The following SMYD3 variants were observed in gnomAD, a reference collection of about 807,000 sequenced individuals.
SMYD3 encodes the protein histone-lysine N-methyltransferase SMYD3.
SMYD3 carries 36 observed loss-of-function variants against 57.7 expected under a neutral mutation model. The observed-to-expected ratio is 0.62, with a 90% CI of 0.48 to 0.82. The LOEUF is 0.82. Among genes scored for constraint, SMYD3 ranks in the 40% least tolerant of loss-of-function variants. The probability of loss-of-function intolerance (pLI) is 0.00; values close to 1 mark genes in which losing one functional copy is unlikely to be tolerated. For synonymous variants in SMYD3, 211 were observed against 195.0 expected, an observed-to-expected ratio of 1.08 and a Z score of -0.68; for missense variants, 515 against 538.8, an observed-to-expected ratio of 0.96 and a Z score of 0.44.
intron 11 of SMYD3, among the ~76,000 whole-genome samples, chr1:245,754,736 G>A (rs951717727): frequency 1.3e-5 from 2 of 152,204 alleles, no homozygotes; most frequent in Non-Finnish European, 2.9e-5. Context: ...AATTTCCTTA[G>A]AGATAACATC....
intron 5 of SMYD3, among the ~76,000 whole-genome samples, chr1:246,165,010 G>A (rs930016376): frequency 6.6e-6 from 1 of 152,130 alleles, no homozygotes; most frequent in African/African-American, 2.4e-5. Context: ...ACAAGGTGGC[G>A]AAAGAACCCC....
intron 5 of SMYD3, among the ~76,000 whole-genome samples, chr1:246,262,889 A>T (rs1397544752): frequency 6.6e-6 from 1 of 152,224 alleles, no homozygotes; most frequent in Non-Finnish European, 1.5e-5. Context: ...GACATCTAGG[A>T]AACCCAAGTC....
At chr1:246,160,928 T>C (rs531118721) in intron 5 of SMYD3, among the ~76,000 whole-genome samples, 45 of 152,276 alleles carry the variant, frequency 3.0e-4, no homozygotes, top group African/African-American at 1.1e-3. Context: ...TCTGATATTC[T>C]CCAGAGCAGC....
At chr1:246,114,911 TGA>T (rs1244713655) in intron 5 of SMYD3, among the ~76,000 whole-genome samples, 9 of 42,730 alleles carry the variant, frequency 2.1e-4, no homozygotes, top group Non-Finnish European at 6.6e-4. Flanking sequence ...ATTACAGGCG[TGA>T]GCCTCCGCAC....
intron 5 of SMYD3, among the ~76,000 whole-genome samples, chr1:246,161,837 CAT>C (rs1325474378): frequency 1.3e-5 from 2 of 152,180 alleles, no homozygotes; most frequent in Non-Finnish European, 2.9e-5. Context: ...TCCAGACCTT[CAT>C]ATGACTCTTC....
chr1:246,141,687 T>TA lies in SMYD3; in HGVS notation c.531+185513dup, dbSNP rs112411079. Reference sequence around the variant, plus strand: ...ACTAACATGCCAACGTAAACACATTTAAAAAAAATCTTCATTTAAATTTAT... The same window carrying TA: ...ACTAACATGCCAACGTAAACACATTTAAAAAAAAATCTTCATTTAAATTTAT... On this transcript the variant is annotated intron_variant, in intron 5 of 11. Coordinates refer to ENST00000490107, the MANE Select transcript of SMYD3 (RefSeq NM_001167740.2). Among the ~76,000 whole-genome samples the TA allele has an allele frequency of 5.9e-3, 898 of 152,160 alleles. 13 individuals are homozygous for TA. The highest frequency in any genetic ancestry group is 0.021 in the African/African-American group (858 of 41,526).
At chr1:246,463,918 A>G (rs910133086) in intron 1 of SMYD3, among the ~76,000 whole-genome samples, 11 of 151,890 alleles carry the variant, frequency 7.2e-5, no homozygotes, top group Non-Finnish European at 1.3e-4. Context: ...TAACAATTAT[A>G]TAAGTAATTG....
chr1:246,446,058 T>C (rs1434038214), intron 1 of SMYD3, among the ~76,000 whole-genome samples: 1 of 152,222 alleles, frequency 6.6e-6, no homozygotes, highest in Non-Finnish European at 1.5e-5. Context: ...GTTGTTTTTT[T>C]AATCTTTACT....
At chr1:246,257,900 G>A (rs184520269) in intron 5 of SMYD3, among the ~76,000 whole-genome samples, 65 of 152,282 alleles carry the variant, frequency 4.3e-4, no homozygotes, top group Admixed American at 3.1e-3. Flanking sequence ...CTTGTAAGAC[G>A]GCTGCCCCTC....
chr1:245,962,643 C>T (rs1404699591), intron 5 of SMYD3, among the ~76,000 whole-genome samples: 2 of 152,108 alleles, frequency 1.3e-5, no homozygotes, highest in African/African-American at 2.4e-5. Context: ...ATGTGGGTTG[C>T]GTCGAACAAT....
chr1:246,415,060 C>G (rs1169890752), intron 1 of SMYD3, among the ~76,000 whole-genome samples: 1 of 151,964 alleles, frequency 6.6e-6, no homozygotes, highest in Non-Finnish European at 1.5e-5. Context: ...TCCTGGTGAG[C>G]AGAACAGCAC....
chr1:246,008,362 C>T (rs1245165452), intron 5 of SMYD3, among the ~76,000 whole-genome samples: 1 of 152,170 alleles, frequency 6.6e-6, no homozygotes, highest in Admixed American at 6.5e-5. Flanking sequence ...TGTAATGCGA[C>T]GTAAATAAGA....
intron 5 of SMYD3, among the ~76,000 whole-genome samples, chr1:246,132,386 C>G (rs1184495479): frequency 6.6e-6 from 1 of 151,984 alleles, no homozygotes; most frequent in African/African-American, 2.4e-5. Flanking sequence ...AGTGCTAAGA[C>G]CATTCAATGG....
intron 2 of SMYD3, among the ~76,000 whole-genome samples, chr1:246,340,325 T>TA (rs2065613912): frequency 6.7e-6 from 1 of 149,858 alleles, no homozygotes; most frequent in South Asian, 2.1e-4. Context: ...TGAAACAGTC[T>TA]AAAATACATA....
At chr1:246,185,331 G>A (rs2062615711) in intron 5 of SMYD3, among the ~76,000 whole-genome samples, 1 of 151,916 alleles carries the variant, frequency 6.6e-6, no homozygotes, top group Non-Finnish European at 1.5e-5. Flanking sequence ...CCGCCTCCCG[G>A]GTTCAAGCGA....
chr1:246,067,179 T>C (rs1359535470), intron 5 of SMYD3, among the ~76,000 whole-genome samples: 1 of 152,184 alleles, frequency 6.6e-6, no homozygotes, highest in Non-Finnish European at 1.5e-5. Flanking sequence ...TCTTCAGTGA[T>C]AAAATCAAGT....
At chr1:246,471,896 G>A (rs980954515) in intron 1 of SMYD3, among the ~76,000 whole-genome samples, 1 of 152,128 alleles carries the variant, frequency 6.6e-6, no homozygotes, top group Non-Finnish European at 1.5e-5. Flanking sequence ...TAATTAGCAG[G>A]AAGCACAACC....
At chr1:246,448,704 T>TAAAAAAAAAAAAAA (rs1553349829) in intron 1 of SMYD3, among the ~76,000 whole-genome samples, 2 of 81,432 alleles carry the variant, frequency 2.5e-5, no homozygotes, top group Admixed American at 1.4e-4. Flanking sequence ...CTCTTTTTTT[T>TAAAAAAAAAAAAAA]AAAAAAAAAA....
intron 5 of SMYD3, among the ~76,000 whole-genome samples, chr1:246,002,284 A>C (rs925646898): frequency 8.0e-5 from 10 of 124,464 alleles, no homozygotes; most frequent in Admixed American, 1.8e-4. Flanking sequence ...TCCCGGGTTC[A>C]CGCCATTCTC....
Sources: gnomAD v4.1 joint callset for allele counts (sites outside exome capture counted in the v4.1 genomes callset) on GRCh38, gnomAD v4.1.1 for gene constraint, MANE v1.5 for transcripts, NCBI Gene and HGNC (gene_info 2026-07-23, HGNC 2026-07-21) for gene names.